The following YTHDF3 variants were observed in gnomAD, a reference collection of about 807,000 sequenced individuals.
The protein encoded by YTHDF3 is YTH domain-containing family protein 3.
YTHDF3 carries 9 observed loss-of-function variants against 52.5 expected under a neutral mutation model. The ratio of observed to expected loss-of-function variants is 0.17; its 90% CI spans 0.10 to 0.30. The LOEUF is 0.30. YTHDF3 is among the 10% of genes least tolerant of loss of function. The probability of loss-of-function intolerance (pLI) is 1.00; values close to 1 mark genes in which losing one functional copy is unlikely to be tolerated. For missense variants in YTHDF3, 534 were observed against 715.0 expected, an observed-to-expected ratio of 0.75 and a Z score of 2.89; for synonymous variants, 274 against 243.3, an observed-to-expected ratio of 1.13 and a Z score of -1.18.
intron 4 of YTHDF3, among the ~76,000 whole-genome samples, chr8:63,191,133 T>G (rs1360350388): frequency 6.6e-6 from 1 of 152,178 alleles, no homozygotes; most frequent in Non-Finnish European, 1.5e-5. Context: ...CATTTTTTGT[T>G]TGTAAATAGC....
rs1310797264 is a variant in YTHDF3 at position 63,186,542 on chromosome 8, T to C, written c.531T>C (p.Thr177=). The change falls in exon 4 of 5, where the codon ACT becomes ACC. Residue 177 remains threonine (T), a synonymous_variant. Transcript: ENST00000539294. ...GACAGGCTGGATTTGGCAATGATAC[T>C]TTGAGTAAGGTGCCTGGCATTAGCA... The part of the protein sequence containing the change: ...TDGQAGFGND[T]LSKVPGISSI... The C allele has an allele frequency of 5.0e-6, 8 of 1,613,900 alleles. No homozygotes were observed. In the Admixed American group the frequency reaches 1.3e-4, roughly 27 times the overall value.
intron 2 of YTHDF3, among the ~76,000 whole-genome samples, chr8:63,171,806 G>C (rs1429240113): frequency 1.3e-5 from 2 of 152,148 alleles, no homozygotes; most frequent in African/African-American, 4.8e-5. Flanking sequence ...TGAGAAGTTG[G>C]TGTCAGTTAA....
chr8:63,192,102 G>A (rs934063588), intron 4 of YTHDF3, among the ~76,000 whole-genome samples: 6 of 152,060 alleles, frequency 3.9e-5, no homozygotes, highest in Non-Finnish European at 8.8e-5. Flanking sequence ...GAACAGTTTC[G>A]TCATCCCCCA....
At chr8:63,209,632 A>G in intron 4 of YTHDF3, 51 bp from the exon 5 acceptor site, 2 of 1,492,920 alleles carry the variant, frequency 1.3e-6, no homozygotes, top group Non-Finnish European at 1.8e-6. Context: ...TTAAATAATG[A>G]GAGTTTTTCA....
At chr8:63,196,053 A>G (rs1795476104) in intron 4 of YTHDF3, among the ~76,000 whole-genome samples, 4 of 152,060 alleles carry the variant, frequency 2.6e-5, no homozygotes, top group Admixed American at 2.0e-4. Context: ...TCAGCCTCTC[A>G]AAGTTCTGGG....
Position 63,189,276 on chromosome 8 carries a change from T to A in YTHDF3, c.1734+1531T>A, listed in dbSNP as rs148861681. On this transcript the variant is annotated intron_variant, in intron 4 of 4. Coordinates refer to ENST00000539294, the MANE Select transcript of YTHDF3 (RefSeq NM_152758.6). Reference sequence around the variant, plus strand: ...CCCCCAAATATTGGCTAGACTTTGATCACAGGGCCACAAGAGTCAGTTCAA... The same window carrying A: ...CCCCCAAATATTGGCTAGACTTTGAACACAGGGCCACAAGAGTCAGTTCAA... Among the ~76,000 whole-genome samples, 1,216 of 152,298 alleles carry A rather than the reference T, an allele frequency of 8.0e-3. 23 individuals carry two copies. Among genetic ancestry groups the A allele is most frequent in the African/African-American group, 0.028 (1,172 of 41,560 alleles).
chr8:63,169,053 G>T, intron 1 of YTHDF3, 152 bp downstream of exon 1: 1 of 1,423,580 alleles, frequency 7.0e-7, no homozygotes, highest in Non-Finnish European at 9.1e-7. Flanking sequence ...CCGGGCCGGG[G>T]CGTGCGCCCT....
chr8:63,207,033 G>A (rs1053028541), intron 4 of YTHDF3, among the ~76,000 whole-genome samples: 1 of 152,082 alleles, frequency 6.6e-6, no homozygotes, highest in Admixed American at 6.5e-5. Flanking sequence ...TACTCAATCT[G>A]TATTTTTGCT....
chr8:63,185,997 C>G (rs1808473822), intron 3 of YTHDF3, 150 bp from the exon 4 acceptor site: 9 of 885,832 alleles, frequency 1.0e-5, no homozygotes, highest in Non-Finnish European at 1.3e-5. Flanking sequence ...GTTGATAAAA[C>G]TGGATTTGAA....
At chr8:63,182,213 G>A (rs1056778459) in intron 3 of YTHDF3, among the ~76,000 whole-genome samples, 3 of 148,596 alleles carry the variant, frequency 2.0e-5, no homozygotes, top group Admixed American at 6.8e-5. Flanking sequence ...GTCTACAGGC[G>A]TGCACCACCA....
At chr8:63,175,268 T>TA in intron 2 of YTHDF3, 63 bp from the exon 3 acceptor site, 1 of 1,215,412 alleles carries the variant, frequency 8.2e-7, no homozygotes, top group Non-Finnish European at 1.2e-6. Flanking sequence ...ATTAAAAACA[T>TA]TAGGTTGTGC....
rs1808566617 is a variant in YTHDF3 at position 63,187,098 on chromosome 8, G to A, written c.1087G>A (p.Gly363Ser). The change falls in exon 4 of 5, where the codon GGC (glycine) becomes AGC (serine). Residue 363 changes from glycine (G) to serine (S), a missense_variant. By Grantham distance (56) the Gly-to-Ser change is moderately conservative (BLOSUM62 0). This residue lies in a region of YTHDF3 where 203 missense variants were observed against 201.3 expected (regional missense o/e 1.01). Transcript: ENST00000539294. Reference sequence around the variant, plus strand: ...GGTAGCTCCTCGTAACAGGGGAGCAGGCTTCAACCAGAACAATGGAGCGGG... The same window carrying A: ...GGTAGCTCCTCGTAACAGGGGAGCAAGCTTCAACCAGAACAATGGAGCGGG... The part of the protein sequence containing the change: ...RWVAPRNRGA[G>S]FNQNNGAGSE... 1 of 1,613,852 alleles carries A rather than the reference G, an allele frequency of 6.2e-7. No individual in the cohort carries two copies.
At chr8:63,173,694 C>A in intron 2 of YTHDF3, 1 of 985,210 alleles carries the variant, frequency 1.0e-6, no homozygotes, top group Non-Finnish European at 1.2e-6. Context: ...ATGTCAGAAT[C>A]TCTTGGACTG....
At chr8:63,180,089 C>T (rs1300481703) in intron 3 of YTHDF3, among the ~76,000 whole-genome samples, 1 of 151,348 alleles carries the variant, frequency 6.6e-6, no homozygotes, top group Non-Finnish European at 1.5e-5. Flanking sequence ...CCCCCACCTC[C>T]CTCCCGGACG....
chr8:63,196,287 T>A (rs1157172874), intron 4 of YTHDF3, among the ~76,000 whole-genome samples: 2 of 149,732 alleles, frequency 1.3e-5, no homozygotes, highest in Non-Finnish European at 3.0e-5. Flanking sequence ...AAGGCTGGGC[T>A]TGGTGGCTCA....
At chr8:63,202,864 A>C in intron 4 of YTHDF3, among the ~76,000 whole-genome samples, 1 of 152,160 alleles carries the variant, frequency 6.6e-6, no homozygotes, top group South Asian at 2.1e-4. Flanking sequence ...TGAATCTATT[A>C]GATGTTTTAA....
intron 3 of YTHDF3, among the ~76,000 whole-genome samples, chr8:63,182,262 T>G (rs964815498): frequency 7.1e-6 from 1 of 141,134 alleles, no homozygotes; most frequent in Non-Finnish European, 1.5e-5. Context: ...TTTTTTTTAA[T>G]GAGATAGTCT....
chr8:63,176,367 T>C lies in YTHDF3; in HGVS notation c.135+951T>C, dbSNP rs1807693177. On this transcript the variant is annotated intron_variant, in intron 3 of 4. Transcript: ENST00000539294. ...TGCGATCTCAGCTCACTGCAAGCTC[T>C]GCCTCCCGGGTTCACGCCATTCTCC... is the stretch of plus-strand genomic sequence containing the variant. Among the ~76,000 whole-genome samples, 5 of 152,236 alleles carry C rather than the reference T, an allele frequency of 3.3e-5. No homozygotes were observed. In the South Asian group the frequency reaches 1.0e-3, roughly 32 times the overall value.
intron 3 of YTHDF3, among the ~76,000 whole-genome samples, chr8:63,182,955 C>CTTTTTTTTTTTTT (rs11381385): frequency 2.1e-5 from 3 of 143,622 alleles, no homozygotes; most frequent in Non-Finnish European, 1.5e-5. Flanking sequence ...ACAGTTTTAT[C>CTTTTTTTTTTTTT]TTTTTTTTTT....
Sources: allele counts gnomAD v4.1 joint callset (sites outside exome capture counted in the v4.1 genomes callset), GRCh38; gene constraint gnomAD v4.1.1; regional missense constraint gnomAD v4.1.1; transcripts MANE v1.5; gene names NCBI Gene and HGNC (gene_info 2026-07-23, HGNC 2026-07-21).